Variants in CDH13 observed in about 807,000 individuals in gnomAD.
The protein encoded by CDH13 is cadherin 13, also known as cadherin-13.
A neutral mutation model predicts 63.8 loss-of-function variants in CDH13; 24 were observed. The ratio of observed to expected loss-of-function variants is 0.38; its 90% CI spans 0.27 to 0.53. The LOEUF (loss-of-function observed/expected upper bound fraction) is 0.53, where lower values mean the gene tolerates loss of function less well. CDH13 is among the 20% of genes least tolerant of loss of function. The probability of loss-of-function intolerance (pLI) is 0.85; values close to 1 mark genes in which losing one functional copy is unlikely to be tolerated. For synonymous variants in CDH13, 503 were observed against 355.3 expected, an observed-to-expected ratio of 1.42 and a Z score of -4.67; for missense variants, 1,049 against 903.1, an observed-to-expected ratio of 1.16 and a Z score of -2.07.
At chr16:83,222,517 G>A (rs1201051659) in intron 5 of CDH13, among the ~76,000 whole-genome samples, 1 of 152,118 alleles carries the variant, frequency 6.6e-6, no homozygotes, top group African/African-American at 2.4e-5. Context: ...GATTAACCTG[G>A]TTATAAAAAC....
At chr16:82,646,221 G>C (rs1225980734) in intron 1 of CDH13, 1 of 152,170 alleles carries the variant, frequency 6.6e-6, no homozygotes, top group Admixed American at 6.5e-5. Context: ...ACGGAGTCTC[G>C]CTCTTTCACC....
chr16:82,999,823 C>T (rs1350961490), intron 2 of CDH13, among the ~76,000 whole-genome samples: 2 of 152,146 alleles, frequency 1.3e-5, no homozygotes, highest in Non-Finnish European at 2.9e-5. Flanking sequence ...AATGACGCTG[C>T]CTCTGCGGTC....
chr16:82,923,127 A>G (rs1337402681), intron 2 of CDH13, among the ~76,000 whole-genome samples: 3 of 152,240 alleles, frequency 2.0e-5, no homozygotes, highest in East Asian at 1.9e-4. Flanking sequence ...GACTTGCTCA[A>G]TGCAGGGTTG....
chr16:83,208,832 T>A (rs1567507926), intron 4 of CDH13, among the ~76,000 whole-genome samples: 1 of 152,214 alleles, frequency 6.6e-6, no homozygotes. Context: ...TCAATCTGGT[T>A]GGATGTGACA....
intron 5 of CDH13, among the ~76,000 whole-genome samples, chr16:83,288,007 T>G (rs1162719251): frequency 7.2e-5 from 11 of 152,234 alleles, no homozygotes; most frequent in Admixed American, 7.2e-4. Context: ...CTGATTTCTT[T>G]CGTTTGACTC....
At chr16:83,155,926 C>T (rs1043900273) in intron 4 of CDH13, among the ~76,000 whole-genome samples, 4 of 152,178 alleles carry the variant, frequency 2.6e-5, no homozygotes, top group African/African-American at 9.6e-5. Context: ...CCCCAATTGC[C>T]AGTGACCCTG....
At chr16:83,730,805 C>T (rs910005200) in intron 10 of CDH13, among the ~76,000 whole-genome samples, 3 of 152,188 alleles carry the variant, frequency 2.0e-5, no homozygotes, top group Admixed American at 6.5e-5. Context: ...TCAACCCTTA[C>T]ACCCCTTCCA....
intron 2 of CDH13, among the ~76,000 whole-genome samples, chr16:82,863,770 A>C (rs2040028747): frequency 6.6e-6 from 1 of 152,226 alleles, no homozygotes; most frequent in African/African-American, 2.4e-5. Context: ...TTAAGAAGAA[A>C]AATCATGTTG....
At chr16:82,858,539 C>G (rs1297888911) in intron 2 of CDH13, 66 bp downstream of exon 2, 7 of 995,768 alleles carry the variant, frequency 7.0e-6, no homozygotes, top group Non-Finnish European at 1.1e-5. Context: ...ATGTTTATGA[C>G]TGTGTCTCAG....
intron 5 of CDH13, among the ~76,000 whole-genome samples, chr16:83,323,944 A>G (rs1319469673): frequency 6.6e-6 from 1 of 152,038 alleles, no homozygotes; most frequent in African/African-American, 2.4e-5. Context: ...TATAATTCAC[A>G]CACCACACAA....
At position 83,122,945 on chromosome 16, in the gene CDH13, G is replaced by A. The variant is rs372733341; in HGVS notation, c.367-2440G>A. Among the ~76,000 whole-genome samples the A allele has an allele frequency of 3.0e-4, 45 of 151,952 alleles. No individual in the cohort carries two copies. In the South Asian group the frequency reaches 8.7e-3, roughly 30 times the overall value. On this transcript the variant is annotated intron_variant, in intron 3 of 13. Coordinates refer to ENST00000567109, the MANE Select transcript of CDH13 (RefSeq NM_001257.5). ...CCCTCCTCCCACCCTCCCACTTTCCGAAGTCCCCACTGTCTCTTATTCCAC... is the reference window on the plus strand; with the variant it reads ...CCCTCCTCCCACCCTCCCACTTTCCAAAGTCCCCACTGTCTCTTATTCCAC...
chr16:83,034,267 T>C (rs1450574050), intron 3 of CDH13, among the ~76,000 whole-genome samples: 6 of 152,112 alleles, frequency 3.9e-5, no homozygotes, highest in Admixed American at 2.6e-4. Flanking sequence ...GATCATTTAG[T>C]GGTGTTTCTG....
intron 6 of CDH13, among the ~76,000 whole-genome samples, chr16:83,428,984 A>G (rs908248131): frequency 1.3e-5 from 2 of 152,350 alleles, no homozygotes; most frequent in East Asian, 3.9e-4. Flanking sequence ...AGGGGCACAA[A>G]TATCTTCTCT....
At chr16:83,693,596 C>G (rs1446911361) in intron 10 of CDH13, among the ~76,000 whole-genome samples, 1 of 152,180 alleles carries the variant, frequency 6.6e-6, no homozygotes, top group Non-Finnish European at 1.5e-5. Flanking sequence ...GTTTTGCCAT[C>G]TGCTGTTTGC....
At chr16:83,068,862 C>T (rs1292623056) in intron 3 of CDH13, among the ~76,000 whole-genome samples, 2 of 152,110 alleles carry the variant, frequency 1.3e-5, no homozygotes, top group Admixed American at 6.5e-5. Flanking sequence ...CAATTTCTGG[C>T]CAATGTCTAA....
chr16:83,018,061 A>T (rs1914975263), intron 2 of CDH13, among the ~76,000 whole-genome samples: 1 of 152,224 alleles, frequency 6.6e-6, no homozygotes. Flanking sequence ...TAATCAAAAG[A>T]AATATGATGG....
At chr16:83,235,614 A>G (rs12933790) in intron 5 of CDH13, among the ~76,000 whole-genome samples, 19,144 of 148,732 alleles carry the variant, frequency 0.13, 1,499 homozygotes, top group Non-Finnish European at 0.18. Context: ...GCAGAAGACA[A>G]ATTCTATTTC....
chr16:83,032,384 G>C (rs1314731084), intron 3 of CDH13, 166 bp downstream of exon 3: 10 of 596,464 alleles, frequency 1.7e-5, no homozygotes, highest in Non-Finnish European at 3.0e-5. Context: ...AGGGGCAGCG[G>C]GAATTAATTG....
chr16:82,779,857 T>C (rs1205991447), intron 1 of CDH13, among the ~76,000 whole-genome samples: 4 of 136,450 alleles, frequency 2.9e-5, no homozygotes, highest in Admixed American at 1.5e-4. Context: ...ATGGCTCTCA[T>C]AGTATTTTGT....
Sources: gnomAD v4.1 joint callset for allele counts (sites outside exome capture counted in the v4.1 genomes callset) on GRCh38, gnomAD v4.1.1 for gene constraint, MANE v1.5 for transcripts, NCBI Gene and HGNC (gene_info 2026-07-23, HGNC 2026-07-21) for gene names.